ASB2: variants seen among roughly 807,000 people sequenced by gnomAD.
ASB2 encodes the protein ankyrin repeat and SOCS box containing 2, also known as ankyrin repeat and SOCS box protein 2.
ASB2 carries 58 observed loss-of-function variants against 62.4 expected under a neutral mutation model. The ratio of observed to expected loss-of-function variants is 0.93; its 90% confidence interval spans 0.75 to 1.16. The LOEUF (loss-of-function observed/expected upper bound fraction) is 1.16. Among genes scored for constraint, ASB2 ranks in the 50% most tolerant of loss-of-function variants. The probability of loss-of-function intolerance (pLI) is 0.00; values close to 1 mark genes in which losing one functional copy is unlikely to be tolerated. For synonymous variants in ASB2, 386 were observed against 385.3 expected (o/e 1.00, Z -0.02); for missense variants, 928 against 887.9 (o/e 1.05, Z -0.57).
At chr14:93,962,356 C>T (rs999263340) in intron 2 of ASB2, among the ~76,000 whole-genome samples, 16 of 152,062 alleles carry the variant, frequency 1.1e-4, no homozygotes, top group African/African-American at 1.4e-4. Context: ...CCTCGTGATC[C>T]GCCTAAACAT....
intron 8 of ASB2, among the ~76,000 whole-genome samples, 171 bp from the exon 9 acceptor site, chr14:93,938,022 G>A (rs1888337353): frequency 6.6e-6 from 1 of 152,118 alleles, no homozygotes; most frequent in South Asian, 2.1e-4. Flanking sequence ...TGGAAGACGG[G>A]CAACTTGAGC....
chr14:93,942,147 G>A (rs1236174432), intron 7 of ASB2: 8 of 455,244 alleles, frequency 1.8e-5, no homozygotes, highest in South Asian at 1.1e-4. Flanking sequence ...GAGGACAGGA[G>A]GACAAGGGGG....
At chr14:93,939,798 C>T (rs1888448859) in intron 7 of ASB2, 126 bp from the exon 8 acceptor site, 3 of 721,040 alleles carry the variant, frequency 4.2e-6, no homozygotes, top group Non-Finnish European at 6.1e-6. Flanking sequence ...GGCTGCGACG[C>T]GGATCCCACC....
chr14:93,952,931 G>A (rs781060899), intron 5 of ASB2, among the ~76,000 whole-genome samples: 3 of 152,220 alleles, frequency 2.0e-5, no homozygotes, highest in African/African-American at 7.2e-5. Flanking sequence ...ACATGCTCTC[G>A]CATACCTTCA....
chr14:93,944,948 T>A (rs985254787), intron 7 of ASB2, among the ~76,000 whole-genome samples: 3 of 152,074 alleles, frequency 2.0e-5, no homozygotes, highest in African/African-American at 4.8e-5. Flanking sequence ...CAGATGAAGG[T>A]CCCAGCCCTG....
At chr14:93,944,770 C>T (rs1385939793) in intron 7 of ASB2, among the ~76,000 whole-genome samples, 2 of 152,170 alleles carry the variant, frequency 1.3e-5, no homozygotes, top group African/African-American at 4.8e-5. Context: ...TGGGAATCCA[C>T]GTGAATCCAA....
At chr14:93,975,868 A>G (rs1889896249) in intron 1 of ASB2, among the ~76,000 whole-genome samples, 1 of 152,244 alleles carries the variant, frequency 6.6e-6, no homozygotes, top group South Asian at 2.1e-4. Context: ...GTATTCTTGC[A>G]TCCCTGCATT....
At chr14:93,943,426 G>A (rs6575369) in intron 7 of ASB2, among the ~76,000 whole-genome samples, 1 of 152,056 alleles carries the variant, frequency 6.6e-6, no homozygotes, top group African/African-American at 2.4e-5. Flanking sequence ...GGGTGGATCA[G>A]TTGAGCTCAG....
At chr14:93,962,330 G>A (rs541410667) in intron 2 of ASB2, among the ~76,000 whole-genome samples, 62 of 152,098 alleles carry the variant, frequency 4.1e-4, no homozygotes, top group African/African-American at 1.5e-3. Context: ...TAGCCGGGAT[G>A]GTCTCGATCT....
rs188802274 is a variant in ASB2, at chr14:93,944,745, C to A, written c.1052+2604G>T. 1.9e-3 allele frequency among the ~76,000 whole-genome samples: 284 copies of A among 152,308 alleles called. 1 individual carries two copies. Among genetic ancestry groups the A allele is most frequent in the Non-Finnish European group, 2.6e-3 (174 of 68,020 alleles). On this transcript the variant is annotated intron_variant, in intron 7 of 9. Transcript: ENST00000555019. ...GGGCCCGGGGGTGGAGGTTGAATAACCAGGGAATTCGCCCTGGGAATCCAC... is the reference window on the plus strand; with the variant it reads ...GGGCCCGGGGGTGGAGGTTGAATAAACAGGGAATTCGCCCTGGGAATCCAC...
At chr14:93,956,905 A>T in intron 2 of ASB2, 35 bp from the exon 3 acceptor site, 2 of 1,613,886 alleles carry the variant, frequency 1.2e-6, no homozygotes, top group Non-Finnish European at 1.7e-6. Flanking sequence ...AAGAGGGAAA[A>T]GTACTCTGCA....
At chr14:93,957,539 G>T in intron 2 of ASB2, 1 of 322,634 alleles carries the variant, frequency 3.1e-6, no homozygotes, top group Non-Finnish European at 4.5e-6. Flanking sequence ...GAGACAGGTT[G>T]ACCTTTTCTG....
chr14:93,955,850 C>T (rs897733998), intron 3 of ASB2, among the ~76,000 whole-genome samples: 7 of 152,142 alleles, frequency 4.6e-5, no homozygotes, highest in African/African-American at 1.7e-4. Flanking sequence ...CCCTCTCCAG[C>T]CGTGTCCTGC....
chr14:93,957,510 C>T (rs1280876703), intron 2 of ASB2: 2 of 520,444 alleles, frequency 3.8e-6, no homozygotes, highest in South Asian at 8.2e-5. Flanking sequence ...GGCTCTGGCA[C>T]TCCTTGGCTG....
At position 93,954,211 on chromosome 14, in the gene ASB2, C is replaced by A. The variant is rs547556781; in HGVS notation, c.478+106G>T. On this transcript the variant is annotated intron_variant, in intron 4 of 9. Coordinates refer to ENST00000555019, the MANE Select transcript of ASB2 (RefSeq NM_001202429.2). ...AAATGAAAGTGACAGCCTTGCCTGC[C>A]CTTCTCCCAAGATGATTGTGGGCAA... The A allele has an allele frequency of 1.6e-5, 14 of 898,622 alleles. No homozygotes were observed. The African/African-American group carries it at 2.3e-4, about 15-fold the overall frequency. The allele number at this position is 898,622 out of a possible 1,614,324, so 55.7% of individuals were successfully genotyped here.
intron 3 of ASB2, among the ~76,000 whole-genome samples, chr14:93,956,153 A>G (rs944470006): frequency 6.6e-6 from 1 of 152,156 alleles, no homozygotes; most frequent in South Asian, 2.1e-4. Flanking sequence ...CCAGGGGTAC[A>G]GAGAGGGGAG....
intron 7 of ASB2, chr14:93,941,650 GCTCTGC>G (rs373640141): frequency 1.9e-4 from 85 of 456,088 alleles, no homozygotes; most frequent in African/African-American, 1.6e-3. Flanking sequence ...GCCAACAAAT[GCTCTGC>G]TAACAGCTGT....
At chr14:93,942,133 G>A in intron 7 of ASB2, 1 of 454,526 alleles carries the variant, frequency 2.2e-6, no homozygotes, top group South Asian at 1.6e-5. Context: ...CATTTTGTGG[G>A]GCAGAGGACA....
intron 2 of ASB2, among the ~76,000 whole-genome samples, chr14:93,960,906 T>C (rs1297935958): frequency 6.6e-6 from 1 of 151,758 alleles, no homozygotes; most frequent in Non-Finnish European, 1.5e-5. Context: ...TAAAAACATT[T>C]ATTAGGTAGC....
Sources: allele counts gnomAD v4.1 joint callset (sites outside exome capture counted in the v4.1 genomes callset), GRCh38; gene constraint gnomAD v4.1.1; transcripts MANE v1.5; gene names NCBI Gene and HGNC (gene_info 2026-07-23, HGNC 2026-07-21).